Variants in TRIM2 observed in about 807,000 individuals in gnomAD.
The protein encoded by TRIM2 is tripartite motif-containing protein 2.
In TRIM2, 20 loss-of-function variants were observed where a neutral mutation model predicts 75.2. That is an observed-to-expected ratio of 0.27 (90% CI 0.19 to 0.39). TRIM2 has a LOEUF of 0.39. Ranked by LOEUF, TRIM2 falls within the 10% of genes least tolerant of loss-of-function variation. The probability of loss-of-function intolerance (pLI) is 1.00; values close to 1 mark genes in which losing one functional copy is unlikely to be tolerated. For synonymous variants in TRIM2, 373 were observed against 388.3 expected (o/e 0.96, Z 0.46); for missense variants, 660 against 990.8 (o/e 0.67, Z 4.48).
intron 9 of TRIM2, among the ~76,000 whole-genome samples, chr4:153,323,783 G>A (rs1188266371): frequency 1.3e-5 from 2 of 152,126 alleles, no homozygotes; most frequent in African/African-American, 2.4e-5. Flanking sequence ...TTTAGATGGT[G>A]GCACGGAGAA....
chr4:153,277,209 T>C (rs188167407), intron 3 of TRIM2, among the ~76,000 whole-genome samples: 6 of 152,360 alleles, frequency 3.9e-5, no homozygotes, highest in Non-Finnish European at 8.8e-5. Flanking sequence ...GGCCTGGCTG[T>C]TCTGTTCCTT....
chr4:153,248,072 T>C lies in TRIM2; in HGVS notation c.31-22263T>C, dbSNP rs1749802612. ...GTGCGGTGACACAGTCTCTGCTCACTGGCGCGTCCGCCTCTGGGATTCAAG... is the reference window on the plus strand; with the variant it reads ...GTGCGGTGACACAGTCTCTGCTCACCGGCGCGTCCGCCTCTGGGATTCAAG... On this transcript the variant is annotated intron_variant, in intron 1 of 11. Transcript: ENST00000338700. The surrounding 1 kb of genome is among the most constrained non-coding windows in gnomAD (Gnocchi z 4.0). Among the ~76,000 whole-genome samples, 1 of 148,626 alleles carries C rather than the reference T, an allele frequency of 6.7e-6. No individual in the cohort carries two copies. The highest frequency in any genetic ancestry group is 2.5e-5 in the African/African-American group (1 of 39,942).
At chr4:153,272,293 T>A (rs1418223985) in intron 2 of TRIM2, among the ~76,000 whole-genome samples, 1 of 151,690 alleles carries the variant, frequency 6.6e-6, no homozygotes, top group Non-Finnish European at 1.5e-5. Flanking sequence ...GGACTACAGG[T>A]GCCTGCCACC....
chr4:153,257,600 A>G (rs1752379721), intron 1 of TRIM2: 1 of 1,289,252 alleles, frequency 7.8e-7, no homozygotes, highest in African/African-American at 1.5e-5. Context: ...TGATGGCTGC[A>G]CTGCATGGTA....
intron 1 of TRIM2, among the ~76,000 whole-genome samples, chr4:153,267,383 C>A (rs1310104372): frequency 6.6e-6 from 1 of 152,162 alleles, no homozygotes; most frequent in Non-Finnish European, 1.5e-5. Flanking sequence ...AATAGTGTGA[C>A]CCCTCATGCC....
At chr4:153,212,585 A>C (rs1315051394) in intron 1 of TRIM2, among the ~76,000 whole-genome samples, 1 of 152,126 alleles carries the variant, frequency 6.6e-6, no homozygotes, top group Non-Finnish European at 1.5e-5. Flanking sequence ...CTTGAGCCTG[A>C]GAGTTCGAGG....
intron 6 of TRIM2, among the ~76,000 whole-genome samples, chr4:153,307,418 T>C (rs1285427523): frequency 6.6e-6 from 1 of 151,970 alleles, no homozygotes; most frequent in African/African-American, 2.4e-5. Context: ...TCGCTTAGCA[T>C]GAATTCAGAG....
At chr4:153,197,352 C>T (rs944749838) in intron 1 of TRIM2, among the ~76,000 whole-genome samples, 1 of 152,182 alleles carries the variant, frequency 6.6e-6, no homozygotes, top group African/African-American at 2.4e-5. Context: ...AGAAAGATTG[C>T]AGCTTTCATT....
chr4:153,331,145 G>A (rs545300159), intron 11 of TRIM2, among the ~76,000 whole-genome samples: 2 of 152,130 alleles, frequency 1.3e-5, no homozygotes, highest in South Asian at 2.1e-4. Flanking sequence ...AACACAGGAC[G>A]ACACTATCTC....
chr4:153,159,329 T>A (rs1729536093), intron 1 of TRIM2, among the ~76,000 whole-genome samples: 1 of 111,608 alleles, frequency 9.0e-6, no homozygotes, highest in Admixed American at 1.3e-4. Flanking sequence ...GTAGAGACAG[T>A]ATCTTACTCT....
At chr4:153,319,339 C>T (rs1768401779) in intron 8 of TRIM2, among the ~76,000 whole-genome samples, 1 of 152,204 alleles carries the variant, frequency 6.6e-6, no homozygotes, top group Admixed American at 6.5e-5. Flanking sequence ...CTCTGGCCAC[C>T]TTACTCTAAA....
chr4:153,204,384 G>A, upstream of TRIM2: 1 of 822,684 alleles, frequency 1.2e-6, no homozygotes, highest in South Asian at 1.5e-5. Context: ...CTGTAGCCCC[G>A]CCCCTTTGGC....
intron 6 of TRIM2, chr4:153,308,237 C>T (rs1765461819): frequency 3.9e-6 from 6 of 1,535,126 alleles, no homozygotes; most frequent in Non-Finnish European, 5.4e-6. Context: ...CTCTTCTACC[C>T]TTTGCCAGGG....
rs559564437 is a variant in TRIM2 at position 153,282,808 on chromosome 4, CAA to C, written c.453+6683_453+6684del. ...TTATTTTTAATTTTTTTTTTGGAGA[CAA>C]AAAAGTCTCACTCTGTCACCCAGGC... On this transcript the variant is annotated intron_variant, in intron 3 of 11. Transcript: ENST00000338700. 2.1e-3 allele frequency among the ~76,000 whole-genome samples: 310 copies of C among 149,974 alleles called. 2 individuals carry two copies. Among genetic ancestry groups the C allele is most frequent in the African/African-American group, 7.3e-3 (296 of 40,712 alleles).
In TRIM2 at chr4:153,225,432, G is replaced by A. The variant is rs76000298; in HGVS notation, c.30+20872G>A. 5.3e-4 allele frequency among the ~76,000 whole-genome samples: 81 copies of A among 152,326 alleles called. 4 individuals carry two copies. The East Asian group carries it at 0.013, about 25-fold the overall frequency. ...CTGTTTGAGAGGCTATTCTGTGAAT[G>A]TTATCTTAAAAGGCTTGAGGCAAAG... is the stretch of plus-strand genomic sequence containing the variant. On this transcript the variant is annotated intron_variant, in intron 1 of 11. Coordinates refer to ENST00000338700, the MANE Select transcript of TRIM2 (RefSeq NM_015271.5).
At chr4:153,326,207 T>C (rs1770132128) in intron 10 of TRIM2, among the ~76,000 whole-genome samples, 1 of 152,244 alleles carries the variant, frequency 6.6e-6, no homozygotes, top group Non-Finnish European at 1.5e-5. Context: ...TGAATAATTT[T>C]TAAGTAATTA....
chr4:153,152,274 C>T (rs1299579682), upstream of TRIM2: 1 of 152,110 alleles, frequency 6.6e-6, no homozygotes, highest in African/African-American at 2.4e-5. Context: ...CCACCCCCCG[C>T]AGAGGCAGGT....
intron 1 of TRIM2, among the ~76,000 whole-genome samples, chr4:153,229,566 A>G (rs1743065395): frequency 6.6e-6 from 1 of 152,170 alleles, no homozygotes; most frequent in Non-Finnish European, 1.5e-5. Flanking sequence ...CCAGATTCTG[A>G]ATTTTTAAAC....
intron 1 of TRIM2, among the ~76,000 whole-genome samples, chr4:153,241,350 G>A (rs1746535569): frequency 6.6e-6 from 1 of 152,208 alleles, no homozygotes; most frequent in African/African-American, 2.4e-5. Context: ...ATTGTTGGAA[G>A]CCATGTGCCA....
Sources: allele counts gnomAD v4.1 joint callset (sites outside exome capture counted in the v4.1 genomes callset), GRCh38; gene constraint gnomAD v4.1.1; non-coding constraint Gnocchi (gnomAD v3.1); transcripts MANE v1.5; gene names NCBI Gene and HGNC (gene_info 2026-07-23, HGNC 2026-07-21).